Variants in CTNNA1 observed in about 807,000 individuals in gnomAD.
The protein encoded by CTNNA1 is catenin alpha 1, also known as catenin alpha-1.
Under a neutral mutation model 98.4 loss-of-function variants are expected in CTNNA1, and 37 were observed. The observed-to-expected ratio is 0.38, with a 90% CI of 0.29 to 0.49. CTNNA1 has a LOEUF of 0.49. Ranked by LOEUF, CTNNA1 falls within the 20% of genes least tolerant of loss-of-function variation. The pLI, the probability that CTNNA1 is intolerant of heterozygous loss-of-function variation, is 0.95. For synonymous variants in CTNNA1, 404 were observed against 413.2 expected, an observed-to-expected ratio of 0.98 and a Z score of 0.27; for missense variants, 761 against 1,147.2, an observed-to-expected ratio of 0.66 and a Z score of 4.86.
intron 1 of CTNNA1, among the ~76,000 whole-genome samples, chr5:138,758,805 A>T: frequency 6.7e-6 from 1 of 149,862 alleles, no homozygotes; most frequent in African/African-American, 2.5e-5. Context: ...TTTCTCTGGG[A>T]CAGTTTTTGT....
chr5:138,887,137 A>G (rs1754246149), intron 8 of CTNNA1, among the ~76,000 whole-genome samples: 1 of 152,152 alleles, frequency 6.6e-6, no homozygotes, highest in Admixed American at 6.5e-5. Flanking sequence ...AATTATATAT[A>G]TATTCCAAGG....
intron 9 of CTNNA1, among the ~76,000 whole-genome samples, chr5:138,895,441 G>A (rs1434161164): frequency 2.0e-5 from 3 of 151,978 alleles, no homozygotes; most frequent in Non-Finnish European, 4.4e-5. Flanking sequence ...ATGTGGAGAT[G>A]GTGGGAAAAA....
At position 138,934,292 on chromosome 5, in the gene CTNNA1, A is replaced by C. The variant is rs1207598528; in HGVS notation, c.*203A>C. The C allele has an allele frequency of 1.8e-6, 1 of 545,436 alleles. No homozygotes were observed. The highest frequency in any genetic ancestry group is 2.8e-5 in the South Asian group (1 of 36,016). The allele number at this position is 545,436 out of a possible 1,614,324, so 33.8% of individuals were successfully genotyped here. On this transcript the variant is annotated 3_prime_UTR_variant, in exon 18 of 18. Transcript: ENST00000302763. ...TTTTAGAATGCAGGAGCCTACTTCT[A>C]GCTGTATTTTTTGTATGCTTAAATA...
intron 3 of CTNNA1, among the ~76,000 whole-genome samples, chr5:138,795,174 A>G (rs919552908): frequency 4.0e-5 from 5 of 123,716 alleles, no homozygotes; most frequent in Admixed American, 3.4e-4. Context: ...AAAAAAAAAA[A>G]GAGCTGGCCA....
intron 1 of CTNNA1, among the ~76,000 whole-genome samples, chr5:138,781,206 G>C (rs1312621296): frequency 6.6e-6 from 1 of 152,204 alleles, no homozygotes; most frequent in Non-Finnish European, 1.5e-5. Context: ...GAATGTTGTG[G>C]AGTAGGAAAA....
intron 7 of CTNNA1, among the ~76,000 whole-genome samples, chr5:138,857,176 G>T (rs1018248663): frequency 2.0e-5 from 3 of 151,936 alleles, no homozygotes; most frequent in Non-Finnish European, 4.4e-5. Context: ...ATTTTTCTCT[G>T]CAAAACAAGA....
chr5:138,934,189 T>C lies in CTNNA1; in HGVS notation c.*100T>C. On this transcript the variant is annotated 3_prime_UTR_variant, in exon 18 of 18. Transcript: ENST00000302763. ...GCTAAATACAACACTGATACTAGAT[T>C]CCACAGGGAAATGGGCAGACTGAAC... The C allele has an allele frequency of 1.2e-6, 1 of 868,554 alleles. No individual in the cohort carries two copies. Among genetic ancestry groups the C allele is most frequent in the Non-Finnish European group, 1.8e-6 (1 of 565,600 alleles). The allele number at this position is 868,554 out of a possible 1,614,324, so 53.8% of individuals were successfully genotyped here. A position where few individuals can be genotyped will look rare whatever the true frequency, so the allele number is the denominator to read the frequency against.
intron 7 of CTNNA1, among the ~76,000 whole-genome samples, chr5:138,864,683 C>G (rs1389588922): frequency 6.6e-6 from 1 of 152,206 alleles, no homozygotes; most frequent in Non-Finnish European, 1.5e-5. Context: ...AAGATGGAAT[C>G]AGTTATGTTC....
intron 13 of CTNNA1, 61 bp from the exon 14 acceptor site, chr5:138,929,185 G>C: frequency 1.1e-6 from 1 of 897,482 alleles, no homozygotes; most frequent in South Asian, 1.3e-5. Context: ...AGAGGCTCAG[G>C]GTGGCTGGGG....
At chr5:138,829,528 T>C (rs17131821) in intron 7 of CTNNA1, among the ~76,000 whole-genome samples, 5,664 of 152,274 alleles carry the variant, frequency 0.037, 285 homozygotes, top group African/African-American at 0.12. Flanking sequence ...CCCTTGAGTC[T>C]TGAGGTTGGT....
intron 7 of CTNNA1, among the ~76,000 whole-genome samples, chr5:138,852,081 A>T (rs140478121): frequency 9.8e-5 from 15 of 152,290 alleles, no homozygotes; most frequent in East Asian, 3.9e-4. Context: ...AAAAAAATAA[A>T]AAATAAATAA....
intron 17 of CTNNA1, among the ~76,000 whole-genome samples, chr5:138,933,297 A>G (rs1312621055): frequency 6.6e-6 from 1 of 151,928 alleles, no homozygotes; most frequent in Non-Finnish European, 1.5e-5. Context: ...GGCCTTTCTC[A>G]CCTAGGGCAG....
Position 138,817,119 on chromosome 5 carries a change from G to T in CTNNA1, c.588+4817G>T, listed in dbSNP as rs1457698754. Among the ~76,000 whole-genome samples the T allele has an allele frequency of 3.3e-5, 5 of 152,288 alleles. No homozygotes were observed. The South Asian group carries it at 1.0e-3, about 32-fold the overall frequency. On this transcript the variant is annotated intron_variant, in intron 5 of 17. Transcript: ENST00000302763. ...GAATAGTTTGCACATATTTTCTCCT[G>T]TTCTTCAGGTTGGCTCTTCACTCTG...
intron 1 of CTNNA1, among the ~76,000 whole-genome samples, chr5:138,781,135 C>T (rs1027586442): frequency 6.6e-6 from 1 of 152,124 alleles, no homozygotes; most frequent in Non-Finnish European, 1.5e-5. Flanking sequence ...AAGACAAGTC[C>T]TTCTCTAGGA....
At chr5:138,848,032 G>A (rs1053131981) in intron 7 of CTNNA1, among the ~76,000 whole-genome samples, 3 of 152,098 alleles carry the variant, frequency 2.0e-5, no homozygotes, top group African/African-American at 7.2e-5. Flanking sequence ...TTGCTTCTTG[G>A]GTAATAAATT....
chr5:138,811,081 G>A (rs1198923877), intron 4 of CTNNA1, among the ~76,000 whole-genome samples: 1 of 152,136 alleles, frequency 6.6e-6, no homozygotes. Context: ...CTTCCCAGAC[G>A]GTGTGGTTGC....
At chr5:138,837,533 C>G (rs1457793601) in intron 7 of CTNNA1, among the ~76,000 whole-genome samples, 2 of 120,660 alleles carry the variant, frequency 1.7e-5, no homozygotes, top group Non-Finnish European at 3.5e-5. Flanking sequence ...CCCTCTCCTC[C>G]CCCCCCTTTC....
intron 15 of CTNNA1, 53 bp from the exon 16 acceptor site, chr5:138,930,777 C>A: frequency 1.3e-6 from 2 of 1,522,598 alleles, no homozygotes; most frequent in Non-Finnish European, 1.8e-6. Flanking sequence ...TTTTCTACTC[C>A]AACTGTGAGG....
chr5:138,805,936 T>C (rs1758040788), intron 3 of CTNNA1, among the ~76,000 whole-genome samples: 1 of 152,174 alleles, frequency 6.6e-6, no homozygotes, highest in Admixed American at 6.5e-5. Context: ...CTGTTGTTTG[T>C]ACTTTTGGTG....
Sources: gnomAD v4.1 joint callset for allele counts (sites outside exome capture counted in the v4.1 genomes callset) on GRCh38, gnomAD v4.1.1 for gene constraint, MANE v1.5 for transcripts, NCBI Gene and HGNC (gene_info 2026-07-23, HGNC 2026-07-21) for gene names.